RADIL: variants seen among roughly 807,000 people sequenced by gnomAD.
The protein encoded by RADIL is Rap associating with DIL domain.
In RADIL, 99 loss-of-function variants were observed where a neutral mutation model predicts 97.6. The observed-to-expected ratio is 1.01, with a 90% CI of 0.86 to 1.20. RADIL has a LOEUF of 1.20. RADIL is among the 50% of genes most tolerant of loss of function. The pLI is 0.00. For missense variants in RADIL, 1,765 were observed against 1,498.9 expected (o/e 1.18, Z -2.93); for synonymous variants, 803 against 691.8 (o/e 1.16, Z -2.52).
At chr7:4,836,288 T>C (rs558357157) in intron 3 of RADIL, 70 bp downstream of exon 3, 3 of 1,545,402 alleles carry the variant, frequency 1.9e-6, no homozygotes, top group African/African-American at 1.4e-5. Context: ...GGCGGAGGCC[T>C]TGACTTCTGA....
chr7:4,801,661 G>C lies in RADIL; in HGVS notation c.2834C>G (p.Ala945Gly). 10 of 1,597,416 alleles carry C rather than the reference G, an allele frequency of 6.3e-6. No individual in the cohort carries two copies. Among genetic ancestry groups the C allele is most frequent in the Non-Finnish European group, 8.5e-6 (10 of 1,173,298 alleles). The change falls in exon 12 of 15, where the codon GCT becomes GGT. Residue 945 changes from alanine (A) to glycine (G), a missense_variant. By Grantham distance (60) the Ala-to-Gly change is moderately conservative. Transcript: ENST00000399583. ...CACCAGGCAGGGCTCACCTTCCGGA[G>C]CTGCACCCCGGAGGCCGCTGAGTCC... is the stretch of plus-strand genomic sequence containing the variant. ...RNGLSGLRGA[A>G]PEGDSAALAE...
chr7:4,862,540 T>C (rs906435887), intron 2 of RADIL, among the ~76,000 whole-genome samples: 1 of 152,226 alleles, frequency 6.6e-6, no homozygotes, highest in Non-Finnish European at 1.5e-5. Context: ...ATGGCAGCTA[T>C]AAAAGTGTCT....
intron 10 of RADIL, 169 bp from the exon 11 acceptor site, chr7:4,803,923 T>G: frequency 1.4e-6 from 1 of 713,622 alleles, no homozygotes. Context: ...GGCCCCACCC[T>G]AGGACTCATC....
chr7:4,839,373 T>A (rs1202268273), intron 2 of RADIL, among the ~76,000 whole-genome samples: 7 of 152,196 alleles, frequency 4.6e-5, no homozygotes, highest in Non-Finnish European at 7.3e-5. Context: ...CCGTTTTTTT[T>A]AATTCGCTGA....
At chr7:4,865,425 G>T in intron 2 of RADIL, 3 of 668,940 alleles carry the variant, frequency 4.5e-6, no homozygotes, top group African/African-American at 1.8e-5. Flanking sequence ...TCAGATAAAT[G>T]GAATTTAATC....
intron 2 of RADIL, 54 bp downstream of exon 2, chr7:4,877,551 G>A: frequency 6.5e-7 from 1 of 1,530,200 alleles, no homozygotes; most frequent in Non-Finnish European, 8.8e-7. Flanking sequence ...TACCTCGGCT[G>A]GCCTTCTCAG....
intron 2 of RADIL, chr7:4,860,641 T>G: frequency 6.2e-7 from 1 of 1,614,098 alleles, no homozygotes; most frequent in South Asian, 1.1e-5. Context: ...AGCCCACCCA[T>G]TCTAAATGTT....
intron 2 of RADIL, chr7:4,858,793 A>G (rs1444485546): frequency 6.6e-6 from 1 of 152,362 alleles, no homozygotes; most frequent in Non-Finnish European, 1.5e-5. Flanking sequence ...ATGTGGCCAC[A>G]GGATTGTCAG....
In RADIL at chr7:4,824,588, G is replaced by A. The variant is rs1782924892; in HGVS notation, c.1455-2034C>T. ...CTCTCTCTGACGTCACTTCACTTTT[G>A]TCCACAAACAATGTTGACCTCTCTC... On this transcript the variant is annotated intron_variant, in intron 5 of 14. Transcript: ENST00000399583. The surrounding 1 kb of genome is among the most constrained non-coding windows in gnomAD (Gnocchi z 6.7). Among the ~76,000 whole-genome samples the A allele has an allele frequency of 6.6e-6, 1 of 152,178 alleles. No homozygotes were observed.
In RADIL at chr7:4,816,523, C is replaced by G. The variant is rs946144055; in HGVS notation, c.1729-58G>C. 5 of 1,448,638 alleles carry G rather than the reference C, an allele frequency of 3.5e-6. No homozygotes were observed. The African/African-American group carries it at 6.9e-5, about 20-fold the overall frequency. 89.7% of individuals were successfully genotyped at this position (1,448,638 alleles called of 1,614,324 possible). The stretch of plus-strand genomic sequence containing the variant: ...ATTTCCAGGAGCGCTGGCGGCCGAA[C>G]GGGGGGCCTGACCCAGCGAGCTCCC... On this transcript the variant is annotated intron_variant, in intron 7 of 14. Coordinates refer to ENST00000399583, the MANE Select transcript of RADIL (RefSeq NM_018059.5).
chr7:4,880,501 G>A lies in RADIL; in HGVS notation c.-64-2298C>T, dbSNP rs143516897. ...GAATCACAGAACAAAACCCCTCAAA[G>A]AGCCTCTCCAGCCGGCACTTATTAA... On this transcript the variant is annotated intron_variant, in intron 1 of 14. Transcript: ENST00000399583. This position sits in a 1 kb window ranked among gnomAD's most constrained non-coding sequence, Gnocchi z 4.5. Among the ~76,000 whole-genome samples the A allele has an allele frequency of 6.6e-6, 1 of 152,220 alleles. No homozygotes were observed. The highest frequency in any genetic ancestry group is 2.4e-5 in the African/African-American group (1 of 41,550).
At chr7:4,809,510 C>G (rs546001065) in intron 9 of RADIL, 3 of 985,396 alleles carry the variant, frequency 3.0e-6, no homozygotes, top group East Asian at 2.3e-4. Flanking sequence ...AAAACAAGAA[C>G]AAGAACGTGG....
At position 4,877,641 on chromosome 7, in the gene RADIL, C is replaced by A. The variant is rs760645833; in HGVS notation, c.499G>T (p.Glu167Ter). The A allele has an allele frequency of 6.2e-7, 1 of 1,610,682 alleles. No individual in the cohort carries two copies. The highest frequency in any genetic ancestry group is 1.1e-5 in the South Asian group (1 of 90,432). The change falls in exon 2 of 15, where the codon GAG (glutamate) becomes TAG (stop). Residue 167 changes from glutamate (E) to a stop codon, truncating the protein, a stop_gained. Transcript: ENST00000399583. LOFTEE classifies it high-confidence loss of function. Reference protein sequence around the residue: ...FELRKRSDVEELAAKEVDTIT... With the variant: ...FELRKRSDVE Reference sequence around the variant, plus strand: ...GTGTCCACCTCCTTGGCTGCCAGCTCCTCCACGTCCGACCTCTTCCTCAGC... The same window carrying A: ...GTGTCCACCTCCTTGGCTGCCAGCTACTCCACGTCCGACCTCTTCCTCAGC...
intron 9 of RADIL, chr7:4,809,427 C>T (rs917581351): frequency 1.0e-6 from 1 of 985,322 alleles, no homozygotes; most frequent in African/African-American, 1.7e-5. Context: ...TCCGTGCACA[C>T]AGGAAACCAC....
chr7:4,799,651 A>G lies in RADIL; in HGVS notation c.3101T>C (p.Leu1034Pro). The G allele has an allele frequency of 6.2e-7, 1 of 1,602,288 alleles. No individual in the cohort carries two copies. Among genetic ancestry groups the G allele is most frequent in the South Asian group, 1.1e-5 (1 of 89,552 alleles). The change falls in exon 14 of 15, where the codon CTC becomes CCC. Residue 1034 changes from leucine to proline, a missense_variant. Transcript: ENST00000399583. Reference sequence around the variant, plus strand: ...GTACCTCAGGTAGCCAAGGCCCAGGAGGCTGCTGCCATTCACCTCCAGGAT... The same window carrying G: ...GTACCTCAGGTAGCCAAGGCCCAGGGGGCTGCTGCCATTCACCTCCAGGAT... ...DRILEVNGSS[L>P]LGLGYLRAVD...
chr7:4,801,125 G>A (rs1057221105), intron 12 of RADIL, among the ~76,000 whole-genome samples: 1 of 151,484 alleles, frequency 6.6e-6, no homozygotes, highest in African/African-American at 2.4e-5. Flanking sequence ...ACACCATGCA[G>A]ACACACCCAT....
At chr7:4,861,883 C>G in intron 2 of RADIL, 5 of 1,126,118 alleles carry the variant, frequency 4.4e-6, no homozygotes, top group Non-Finnish European at 6.0e-6. Context: ...GGGTCATGAT[C>G]CGCTGAGGCG....
chr7:4,827,704 T>A (rs981976089), intron 5 of RADIL, among the ~76,000 whole-genome samples: 2 of 151,996 alleles, frequency 1.3e-5, no homozygotes, highest in Non-Finnish European at 2.9e-5. Flanking sequence ...AGTAAACCAA[T>A]CTTCATTAAA....
At chr7:4,831,894 A>AAAC (rs1783152522) in intron 5 of RADIL, among the ~76,000 whole-genome samples, 1 of 151,324 alleles carries the variant, frequency 6.6e-6, no homozygotes, top group African/African-American at 2.4e-5. Context: ...AAACAAAACA[A>AAAC]AAACAAACAA....
Sources: gnomAD v4.1 joint callset for allele counts (sites outside exome capture counted in the v4.1 genomes callset) on GRCh38, gnomAD v4.1.1 for gene constraint, Gnocchi (gnomAD v3.1) non-coding constraint, MANE v1.5 for transcripts, NCBI Gene and HGNC (gene_info 2026-07-23, HGNC 2026-07-21) for gene names.